MAML3: variants seen among roughly 807,000 people sequenced by gnomAD.
MAML3 encodes the protein mastermind like transcriptional coactivator 3, also known as mastermind-like protein 3.
In MAML3, 27 loss-of-function variants were observed where a neutral mutation model predicts 101.9. The observed-to-expected ratio is 0.27, with a 90% CI of 0.20 to 0.37. The LOEUF (loss-of-function observed/expected upper bound fraction) is 0.37. Ranked by LOEUF, MAML3 falls within the 10% of genes least tolerant of loss-of-function variation. The pLI, the probability that MAML3 is intolerant of heterozygous loss-of-function variation, is 1.00. For synonymous variants in MAML3, 501 were observed against 555.9 expected (o/e 0.90, Z 1.39); for missense variants, 1,316 against 1,444.9 (o/e 0.91, Z 1.45).
intron 2 of MAML3, among the ~76,000 whole-genome samples, chr4:139,776,439 T>G (rs888085998): frequency 1.6e-4 from 24 of 152,056 alleles, no homozygotes; most frequent in African/African-American, 5.8e-4. Context: ...GCAGATTAGG[T>G]GATAAGTGAT....
intron 1 of MAML3, among the ~76,000 whole-genome samples, chr4:139,928,869 GAGA>G (rs1733321042): frequency 6.6e-6 from 1 of 152,166 alleles, no homozygotes; most frequent in Non-Finnish European, 1.5e-5. Flanking sequence ...TTGGCGGACA[GAGA>G]AGATCTTTGG....
intron 1 of MAML3, among the ~76,000 whole-genome samples, chr4:140,055,352 C>A (rs1426061877): frequency 1.3e-5 from 2 of 152,106 alleles, no homozygotes; most frequent in Non-Finnish European, 2.9e-5. Flanking sequence ...CAGCACTAAC[C>A]TGAAGAAAAA....
At chr4:139,918,723 G>A (rs1289055661) in intron 1 of MAML3, among the ~76,000 whole-genome samples, 3 of 152,150 alleles carry the variant, frequency 2.0e-5, no homozygotes, top group Non-Finnish European at 4.4e-5. Flanking sequence ...ATAAGCGCAC[G>A]ACTGGTGGTC....
chr4:139,855,451 T>G (rs367878820), intron 2 of MAML3, among the ~76,000 whole-genome samples: 7 of 152,336 alleles, frequency 4.6e-5, no homozygotes, highest in African/African-American at 1.7e-4. Flanking sequence ...CCTTTCTCTA[T>G]TTTTCCTCTG....
chr4:140,108,537 C>T (rs536648733), intron 1 of MAML3, among the ~76,000 whole-genome samples: 2 of 150,428 alleles, frequency 1.3e-5, no homozygotes, highest in East Asian at 3.9e-4. Flanking sequence ...AATGGTATAT[C>T]TACTTTTCAA....
At chr4:139,830,409 TA>T (rs374871067) in intron 2 of MAML3, among the ~76,000 whole-genome samples, 3,224 of 145,672 alleles carry the variant, frequency 0.022, 168 homozygotes, top group African/African-American at 0.084. Flanking sequence ...CACGCTGTGC[TA>T]TTTTTTTTTT....
At chr4:139,943,897 A>ATTTTTTT (rs1733655333) in intron 1 of MAML3, among the ~76,000 whole-genome samples, 2 of 65,436 alleles carry the variant, frequency 3.1e-5, no homozygotes, top group African/African-American at 1.3e-4. Context: ...TTGAGACGGA[A>ATTTTTTT]TCTTGTTCTG....
intron 1 of MAML3, among the ~76,000 whole-genome samples, chr4:139,973,528 T>C (rs1216708877): frequency 6.6e-6 from 1 of 152,200 alleles, no homozygotes; most frequent in African/African-American, 2.4e-5. Flanking sequence ...AACTCTTTGT[T>C]TCCTTGAGCA....
intron 1 of MAML3, chr4:140,133,165 A>G (rs752827485): frequency 6.8e-5 from 27 of 394,962 alleles, no homozygotes; most frequent in African/African-American, 5.1e-4. Flanking sequence ...AAAAGCCAAC[A>G]AAAAGAAAAA....
At chr4:139,773,940 T>G (rs930811124) in intron 2 of MAML3, among the ~76,000 whole-genome samples, 5 of 152,230 alleles carry the variant, frequency 3.3e-5, no homozygotes, top group African/African-American at 1.2e-4. Context: ...GTATGGGTTG[T>G]TTCTAACTGG....
At chr4:139,855,489 A>C (rs1731641160) in intron 2 of MAML3, among the ~76,000 whole-genome samples, 1 of 152,228 alleles carries the variant, frequency 6.6e-6, no homozygotes, top group African/African-American at 2.4e-5. Context: ...TAGATTTATC[A>C]TCCTAGTGGC....
intron 2 of MAML3, among the ~76,000 whole-genome samples, chr4:139,870,077 C>G (rs1283300202): frequency 6.6e-6 from 1 of 152,210 alleles, no homozygotes; most frequent in Non-Finnish European, 1.5e-5. Flanking sequence ...ATGTCAAGGG[C>G]TTAGTACAGG....
At chr4:139,775,669 C>T (rs1730080731) in intron 2 of MAML3, among the ~76,000 whole-genome samples, 1 of 152,094 alleles carries the variant, frequency 6.6e-6, no homozygotes, top group African/African-American at 2.4e-5. Context: ...CGTTTGATTT[C>T]AGGTTTGCAT....
chr4:139,730,279 T>C (rs2063819441), intron 3 of MAML3, 137 bp downstream of exon 3: 1 of 760,962 alleles, frequency 1.3e-6, no homozygotes, highest in Middle Eastern at 2.6e-4. Context: ...CTTCAGGTTC[T>C]CTTGTGATCC....
chr4:139,776,612 A>G (rs1397769526), intron 2 of MAML3, among the ~76,000 whole-genome samples: 1 of 152,192 alleles, frequency 6.6e-6, no homozygotes, highest in African/African-American at 2.4e-5. Flanking sequence ...CCCCACAAAA[A>G]CAGGATGGAA....
At chr4:139,842,392 GGTAA>G (rs1384956853) in intron 2 of MAML3, among the ~76,000 whole-genome samples, 9 of 152,290 alleles carry the variant, frequency 5.9e-5, no homozygotes, top group East Asian at 1.9e-4. Context: ...TTATGGAATG[GGTAA>G]GTGACTGTAT....
Position 139,719,499 on chromosome 4 carries a change from T to C in MAML3, c.3241A>G (p.Ser1081Gly), listed in dbSNP as rs925450964. The C allele has an allele frequency of 1.9e-6, 3 of 1,613,894 alleles. No homozygotes were observed. The African/African-American group carries it at 4.0e-5, about 22-fold the overall frequency. ...GGGGCATTCCGCTCATAGGCTTGGC[T>C]CTGGCTGCTTGGAGCAAAGCTGCCA... The part of the protein sequence containing the change: ...PSGSFAPSSQ[S>G]QAYERNAPQD... Residue 1081 changes from serine to glycine, a missense_variant, in exon 5 of 5, where the codon AGC (serine) becomes GGC (glycine). Physicochemically the swap from Ser to Gly is moderately conservative, Grantham distance 56. Coordinates refer to ENST00000509479, the MANE Select transcript of MAML3 (RefSeq NM_018717.5).
At chr4:139,868,269 C>A (rs1339999366) in intron 2 of MAML3, among the ~76,000 whole-genome samples, 2 of 152,186 alleles carry the variant, frequency 1.3e-5, no homozygotes, top group East Asian at 1.9e-4. Flanking sequence ...AGGCATACTA[C>A]CTACAAATTT....
Position 139,785,324 on chromosome 4 carries a change from C to A in MAML3, c.2080-54657G>T, listed in dbSNP as rs569332471. Among the ~76,000 whole-genome samples, 1 of 152,334 alleles carries A rather than the reference C, an allele frequency of 6.6e-6. No homozygotes were observed. The highest frequency in any genetic ancestry group is 1.9e-4 in the East Asian group (1 of 5,188). On this transcript the variant is annotated intron_variant, in intron 2 of 4. Coordinates refer to ENST00000509479, the MANE Select transcript of MAML3 (RefSeq NM_018717.5). This position sits in a 1 kb window ranked among gnomAD's most constrained non-coding sequence, Gnocchi z 4.3. ...TTAAAATATTAATAATCAGAGTTCA[C>A]TTTCATAGGGCTCTGGGCAGAAAAT... is the stretch of plus-strand genomic sequence containing the variant.
Sources: allele counts gnomAD v4.1 joint callset (sites outside exome capture counted in the v4.1 genomes callset), GRCh38; gene constraint gnomAD v4.1.1; non-coding constraint Gnocchi (gnomAD v3.1); transcripts MANE v1.5; gene names NCBI Gene and HGNC (gene_info 2026-07-23, HGNC 2026-07-21).